The following CLDN10 variants were observed in gnomAD, a reference collection of about 807,000 sequenced individuals.
The protein encoded by CLDN10 is claudin-10.
Under a neutral mutation model 22.9 loss-of-function variants are expected in CLDN10, and 15 were observed. The ratio of observed to expected loss-of-function variants is 0.65; its 90% CI spans 0.44 to 1.01. The LOEUF is 1.01. Among genes scored for constraint, CLDN10 ranks in the 50% least tolerant of loss-of-function variants. The pLI, the probability that CLDN10 is intolerant of heterozygous loss-of-function variation, is 0.00. For missense variants in CLDN10, 247 were observed against 287.8 expected (o/e 0.86, Z 1.03); for synonymous variants, 114 against 111.4 (o/e 1.02, Z -0.15).
intron 1 of CLDN10, among the ~76,000 whole-genome samples, chr13:95,503,625 G>A (rs900995640): frequency 5.9e-5 from 9 of 152,152 alleles, no homozygotes; most frequent in African/African-American, 1.9e-4. Context: ...TAAACAAAAT[G>A]TCCTATATAC....
intron 1 of CLDN10, among the ~76,000 whole-genome samples, chr13:95,514,368 A>T (rs1566310877): frequency 6.6e-6 from 1 of 152,146 alleles, no homozygotes. Flanking sequence ...AGCAAACGTT[A>T]ACAATCAGGG....
chr13:95,540,530 C>T (rs2043449591), intron 1 of CLDN10, among the ~76,000 whole-genome samples: 1 of 152,084 alleles, frequency 6.6e-6, no homozygotes. Flanking sequence ...GAACTGCTTA[C>T]ATTAATTACA....
intron 1 of CLDN10, among the ~76,000 whole-genome samples, chr13:95,456,116 CT>C: frequency 6.6e-6 from 1 of 152,144 alleles, no homozygotes. Context: ...CTGAAAGAGG[CT>C]TTTATTTATT....
chr13:95,531,044 G>A (rs1046796514), intron 1 of CLDN10, among the ~76,000 whole-genome samples: 1 of 150,790 alleles, frequency 6.6e-6, no homozygotes, highest in Non-Finnish European at 1.5e-5. Context: ...TCAGTCTCCC[G>A]AGTAGCTGGG....
chr13:95,489,591 G>A (rs1006191227), intron 1 of CLDN10, among the ~76,000 whole-genome samples: 1 of 151,804 alleles, frequency 6.6e-6, no homozygotes, highest in Non-Finnish European at 1.5e-5. Flanking sequence ...TTACTCATTT[G>A]AGCTTGTTGT....
intron 1 of CLDN10, among the ~76,000 whole-genome samples, chr13:95,484,722 C>T (rs2042784811): frequency 6.7e-6 from 1 of 150,214 alleles, no homozygotes; most frequent in African/African-American, 2.4e-5. Flanking sequence ...AAAAATTAGC[C>T]AGGTGTGGTG....
intron 1 of CLDN10, among the ~76,000 whole-genome samples, chr13:95,465,550 AT>A (rs1278696546): frequency 6.6e-6 from 1 of 152,218 alleles, no homozygotes; most frequent in Non-Finnish European, 1.5e-5. Context: ...ACTCCAAGCC[AT>A]TCACTACAAA....
At chr13:95,512,172 A>ATTTTTTTTTTTTTTTTT (rs2043110627) in intron 1 of CLDN10, among the ~76,000 whole-genome samples, 1 of 61,066 alleles carries the variant, frequency 1.6e-5, no homozygotes, top group Non-Finnish European at 3.2e-5. Flanking sequence ...TCTGTTTTTG[A>ATTTTTTTTTTTTTTTTT]TGTTAATATG....
chr13:95,474,851 G>A (rs573008164), intron 1 of CLDN10, among the ~76,000 whole-genome samples: 27 of 152,312 alleles, frequency 1.8e-4, no homozygotes, highest in Non-Finnish European at 2.8e-4. Context: ...TGGGGCAGGC[G>A]TGGAGCCAGG....
At chr13:95,478,233 A>G (rs898020932) in intron 1 of CLDN10, among the ~76,000 whole-genome samples, 2 of 152,192 alleles carry the variant, frequency 1.3e-5, no homozygotes, top group African/African-American at 4.8e-5. Context: ...GCTTGAGCCC[A>G]GGGAGCTGAG....
At chr13:95,439,654 A>G (rs1343005478) in intron 1 of CLDN10, among the ~76,000 whole-genome samples, 4 of 151,854 alleles carry the variant, frequency 2.6e-5, no homozygotes, top group Non-Finnish European at 5.9e-5. Context: ...CTTTTATAAC[A>G]GCACTAATCC....
chr13:95,564,153 A>G (rs1459742876), intron 3 of CLDN10, among the ~76,000 whole-genome samples: 1 of 152,240 alleles, frequency 6.6e-6, no homozygotes, highest in African/African-American at 2.4e-5. Flanking sequence ...TTGGTGTCTT[A>G]ATCAGCTGGC....
upstream of CLDN10, among the ~76,000 whole-genome samples, chr13:95,552,232 C>G (rs1185097925): frequency 6.6e-6 from 1 of 152,362 alleles, no homozygotes; most frequent in East Asian, 1.9e-4. Flanking sequence ...CCCAAACAAG[C>G]GTGGCACGCA....
At chr13:95,447,589 T>A (rs1016207034) in intron 1 of CLDN10, among the ~76,000 whole-genome samples, 1 of 152,192 alleles carries the variant, frequency 6.6e-6, no homozygotes, top group Admixed American at 6.5e-5. Flanking sequence ...ACGCTATTGA[T>A]CTGCCTGATC....
intron 1 of CLDN10, chr13:95,434,099 G>T: frequency 6.7e-7 from 1 of 1,503,204 alleles, no homozygotes; most frequent in South Asian, 1.2e-5. Context: ...TTTTCCCCCC[G>T]ACTGTGCTGA....
chr13:95,560,274 G>T lies in CLDN10; in HGVS notation c.363G>T (p.Gly121=), dbSNP rs773143926. 2.5e-6 allele frequency: 4 copies of T among 1,614,176 alleles called. No homozygotes were observed. Among genetic ancestry groups the T allele is most frequent in the South Asian group, 2.2e-5 (2 of 91,074 alleles). ...AAGCTAAAATTGCTTGTTTGGCTGGGATTGTATTCATACTGTCAGGTAAAT... is the reference window on the plus strand; with the variant it reads ...AAGCTAAAATTGCTTGTTTGGCTGGTATTGTATTCATACTGTCAGGTAAAT... ...KAKAKIACLA[G]IVFILSGLCS... Residue 121 remains glycine, a synonymous_variant, in exon 2 of 5, where the codon GGG becomes GGT. Transcript: ENST00000299339.
intron 1 of CLDN10, among the ~76,000 whole-genome samples, chr13:95,531,433 G>A (rs778484608): frequency 5.3e-5 from 8 of 151,974 alleles, no homozygotes; most frequent in African/African-American, 7.3e-5. Flanking sequence ...TCTAGTAGGC[G>A]GTCAAAAGTC....
chr13:95,529,270 A>T (rs1444908974), intron 1 of CLDN10, among the ~76,000 whole-genome samples: 1 of 152,182 alleles, frequency 6.6e-6, no homozygotes, highest in Non-Finnish European at 1.5e-5. Flanking sequence ...TTATTTCTTC[A>T]ATCAGTAAGT....
At chr13:95,551,443 TAA>T (rs2043565488), upstream of CLDN10, among the ~76,000 whole-genome samples, 1 of 152,152 alleles carries the variant, frequency 6.6e-6, no homozygotes, top group Admixed American at 6.5e-5. Context: ...TCTTCCAATC[TAA>T]GTTTTGATGA....
Sources: allele counts gnomAD v4.1 joint callset (sites outside exome capture counted in the v4.1 genomes callset), GRCh38; gene constraint gnomAD v4.1.1; transcripts MANE v1.5; gene names NCBI Gene and HGNC (gene_info 2026-07-23, HGNC 2026-07-21).